The following EFNB2 variants were observed in gnomAD, a reference collection of about 807,000 sequenced individuals.
EFNB2 encodes ephrin-B2.
A neutral mutation model predicts 32.1 loss-of-function variants in EFNB2; 5 were observed. The observed-to-expected ratio is 0.16, with a 90% CI of 0.08 to 0.33. The LOEUF is 0.33. Among genes scored for constraint, EFNB2 ranks in the 10% least tolerant of loss-of-function variants. The probability of loss-of-function intolerance (pLI) is 1.00; values close to 1 mark genes in which losing one functional copy is unlikely to be tolerated. For synonymous variants in EFNB2, 168 were observed against 166.5 expected, an observed-to-expected ratio of 1.01 and a Z score of -0.07; for missense variants, 263 against 422.6, an observed-to-expected ratio of 0.62 and a Z score of 3.31.
Position 106,509,670 on chromosome 13 carries a change from T to TGC in EFNB2, c.406+2857_406+2858dup, listed in dbSNP as rs1491388429. 3 of 149,494 alleles carry TGC rather than the reference T, an allele frequency of 2.0e-5. No individual in the cohort carries two copies. In the South Asian group the frequency reaches 6.4e-4, roughly 32 times the overall value. 9.3% of individuals were successfully genotyped at this position (149,494 alleles called of 1,614,324 possible). On this transcript the variant is annotated intron_variant, in intron 2 of 4. Transcript: ENST00000646441. ...GTGTGTGTGTGTGTGTGTGTGTGTG[T>TGC]GCATTTGTCTGATATGCAAAGTAGT...
chr13:106,510,732 G>A (rs1484081262), intron 2 of EFNB2, among the ~76,000 whole-genome samples: 1 of 151,090 alleles, frequency 6.6e-6, no homozygotes, highest in East Asian at 1.9e-4. Flanking sequence ...TCTTTACTAA[G>A]GCCAGGCGCG....
chr13:106,509,910 A>ACGCCAT, intron 2 of EFNB2: 1 of 152,160 alleles, frequency 6.6e-6, no homozygotes, highest in African/African-American at 2.4e-5. Flanking sequence ...TCCTCTGCCT[A>ACGCCAT]CGCCATCGTG....
intron 1 of EFNB2, among the ~76,000 whole-genome samples, chr13:106,523,028 G>A (rs1879577966): frequency 6.6e-6 from 1 of 152,192 alleles, no homozygotes; most frequent in South Asian, 2.1e-4. Context: ...TTACAAGGCT[G>A]TGTGCAATTG....
At chr13:106,516,978 T>C (rs1415157109) in intron 1 of EFNB2, 2 of 152,228 alleles carry the variant, frequency 1.3e-5, no homozygotes, top group Non-Finnish European at 2.9e-5. Context: ...GAGTTCCATA[T>C]GTTATAATCA....
chr13:106,529,551 T>C (rs554035194), intron 1 of EFNB2, among the ~76,000 whole-genome samples: 2 of 152,382 alleles, frequency 1.3e-5, no homozygotes, highest in East Asian at 1.9e-4. Flanking sequence ...TCATACTTCC[T>C]AATCCCAGTT....
chr13:106,514,029 C>T (rs777327448), intron 1 of EFNB2, among the ~76,000 whole-genome samples: 2 of 152,134 alleles, frequency 1.3e-5, no homozygotes, highest in Non-Finnish European at 2.9e-5. Flanking sequence ...TATGAAGCAG[C>T]ACAAAACATA....
At chr13:106,515,974 CA>C (rs1350931891) in intron 1 of EFNB2, among the ~76,000 whole-genome samples, 2 of 152,172 alleles carry the variant, frequency 1.3e-5, no homozygotes, top group African/African-American at 4.8e-5. Context: ...TGAGGGCAGG[CA>C]AGTCCCACAT....
Position 106,512,590 on chromosome 13 carries a change from T to G in EFNB2, c.345A>C (p.Gln115His). 1 of 1,613,916 alleles carries G rather than the reference T, an allele frequency of 6.2e-7. No homozygotes were observed. The highest frequency in any genetic ancestry group is 8.5e-7 in the Non-Finnish European group (1 of 1,179,866). ...DQDIKFTIKF[Q>H]EFSPNLWGLE... is the part of the protein sequence containing the mutation. Reference sequence around the variant, plus strand: ...GACCCCAGAGGTTAGGGCTGAATTCTTGAAACTTGATGGTGAATTTGATAT... The same window carrying G: ...GACCCCAGAGGTTAGGGCTGAATTCGTGAAACTTGATGGTGAATTTGATAT... The change falls in exon 2 of 5, where the codon CAA becomes CAC. Residue 115 changes from glutamine (Q) to histidine (H), a missense_variant. Coordinates refer to ENST00000646441, the MANE Select transcript of EFNB2 (RefSeq NM_004093.4).
intron 1 of EFNB2, chr13:106,516,098 C>A (rs1434143687): frequency 6.6e-6 from 1 of 152,182 alleles, no homozygotes; most frequent in Non-Finnish European, 1.5e-5. Context: ...AACATTTATA[C>A]AAATTGAAGT....
chr13:106,514,674 A>G (rs762174080), intron 1 of EFNB2, among the ~76,000 whole-genome samples: 1 of 152,196 alleles, frequency 6.6e-6, no homozygotes, highest in Non-Finnish European at 1.5e-5. Context: ...GTTTACAAAC[A>G]CCAGGAGTCA....
chr13:106,530,568 G>T (rs1237686038), intron 1 of EFNB2, among the ~76,000 whole-genome samples: 2 of 152,166 alleles, frequency 1.3e-5, no homozygotes, highest in East Asian at 3.9e-4. Flanking sequence ...TTGCAATTAA[G>T]TATTTTAAGA....
intron 3 of EFNB2, 31 bp downstream of exon 3, chr13:106,495,717 G>A: frequency 6.2e-7 from 1 of 1,604,238 alleles, no homozygotes; most frequent in Non-Finnish European, 8.5e-7. Flanking sequence ...CCAGGTCACA[G>A]TGGCGTCATG....
At chr13:106,502,763 A>C (rs1368599608) in intron 2 of EFNB2, among the ~76,000 whole-genome samples, 2 of 152,248 alleles carry the variant, frequency 1.3e-5, no homozygotes, top group African/African-American at 4.8e-5. Flanking sequence ...ATCAGTGAAG[A>C]CATTCAGGGC....
At position 106,490,445 on chromosome 13, in the gene EFNB2, G is replaced by A. The variant is rs971808903; in HGVS notation, c.*2595C>T. ...ATTCTGCACCAGACACAAAACAGAC[G>A]CACAGAACACTTTTCAATTGGTTGC... On this transcript the variant is annotated 3_prime_UTR_variant, in exon 5 of 5. Coordinates refer to ENST00000646441, the MANE Select transcript of EFNB2 (RefSeq NM_004093.4). The A allele has an allele frequency of 1.2e-4, 18 of 152,242 alleles. No individual in the cohort carries two copies. Among genetic ancestry groups the A allele is most frequent in the African/African-American group, 3.9e-4 (16 of 41,548 alleles). The allele number at this position is 152,242 out of a possible 1,614,324, so 9.4% of individuals were successfully genotyped here. A position where few individuals can be genotyped will look rare whatever the true frequency, so the allele number is the denominator to read the frequency against.
At chr13:106,514,396 A>G (rs960368946) in intron 1 of EFNB2, among the ~76,000 whole-genome samples, 1 of 152,168 alleles carries the variant, frequency 6.6e-6, no homozygotes, top group Non-Finnish European at 1.5e-5. Context: ...CTCTGTAGAC[A>G]ATTTCATCTT....
intron 3 of EFNB2, 38 bp downstream of exon 3, chr13:106,495,710 G>C: frequency 6.3e-7 from 1 of 1,594,318 alleles, no homozygotes; most frequent in Admixed American, 1.7e-5. Context: ...GGCTACACCA[G>C]GTCACAGTGG....
chr13:106,508,339 A>G (rs1879027883), intron 2 of EFNB2, among the ~76,000 whole-genome samples: 1 of 152,228 alleles, frequency 6.6e-6, no homozygotes, highest in Admixed American at 6.5e-5. Flanking sequence ...TTATTTCATG[A>G]ACATTAAAAA....
rs1422767728 is a variant in EFNB2 at position 106,492,931 on chromosome 13, G to A, written c.*109C>T. 34 of 1,403,356 alleles carry A rather than the reference G, an allele frequency of 2.4e-5. 1 individual carries two copies. Among genetic ancestry groups the A allele is most frequent in the East Asian group, 2.3e-4 (10 of 43,208 alleles). The allele number at this position is 1,403,356 out of a possible 1,614,324, so 86.9% of individuals were successfully genotyped here. On this transcript the variant is annotated 3_prime_UTR_variant, in exon 5 of 5. Coordinates refer to ENST00000646441, the MANE Select transcript of EFNB2 (RefSeq NM_004093.4). This position sits in a 1 kb window ranked among gnomAD's most constrained non-coding sequence, Gnocchi z 5.1. ...CCGAGGAGGAGTGTCCCTCTCCCCC[G>A]GTGCTGTGCTTCAGTCAATTCTCCA...
Position 106,493,191 on chromosome 13 carries a change from G to A in EFNB2, c.851C>T (p.Ser284Leu), listed in dbSNP as rs370876035. The change falls in exon 5 of 5, where the codon TCA (serine) becomes TTA (leucine). Residue 284 changes from serine (S) to leucine (L), a missense_variant. Physicochemically the swap from Ser to Leu is moderately radical, Grantham distance 145 (BLOSUM62 -2). This residue lies in a region of EFNB2 where 172 missense variants were observed against 237.1 expected (regional missense o/e 0.73). Transcript: ENST00000646441. The surrounding 1 kb of genome is among the most constrained non-coding windows in gnomAD (Gnocchi z 6.1). The part of the protein sequence containing the change: ...TPKRSGNNNG[S>L]EPSDIIIPLR... The stretch of plus-strand genomic sequence containing the variant: ...CGGGATGATAATGTCACTGGGCTCT[G>A]AGCCGTTGTTGTTGCCGCTGCGCTT... 8 of 1,614,096 alleles carry A rather than the reference G, an allele frequency of 5.0e-6. No individual in the cohort carries two copies. The highest frequency in any genetic ancestry group is 1.7e-5 in the Admixed American group (1 of 60,008).
Sources: allele counts gnomAD v4.1 joint callset (sites outside exome capture counted in the v4.1 genomes callset), GRCh38; gene constraint gnomAD v4.1.1; regional missense constraint gnomAD v4.1.1; non-coding constraint Gnocchi (gnomAD v3.1); transcripts MANE v1.5; gene names NCBI Gene and HGNC (gene_info 2026-07-23, HGNC 2026-07-21).